Variants in SPAG16 observed in about 807,000 individuals in gnomAD.
SPAG16 encodes the protein sperm-associated antigen 16 protein.
In SPAG16, 86 loss-of-function variants were observed where a neutral mutation model predicts 80.4. The observed-to-expected ratio is 1.07, with a 90% confidence interval of 0.90 to 1.28. SPAG16 has a LOEUF of 1.28. Ranked by LOEUF, SPAG16 falls within the 50% of genes most tolerant of loss-of-function variation. The pLI is 0.00. For missense variants in SPAG16, 870 were observed against 765.3 expected (o/e 1.14, Z -1.61); for synonymous variants, 294 against 265.9 (o/e 1.11, Z -1.03).
At chr2:213,361,668 G>GA (rs891816556) in intron 7 of SPAG16, among the ~76,000 whole-genome samples, 55 of 138,402 alleles carry the variant, frequency 4.0e-4, no homozygotes, top group East Asian at 2.2e-3. Flanking sequence ...GAACAGAAAA[G>GA]AAAAAAAAAC....
chr2:213,572,946 C>G (rs181891962), intron 10 of SPAG16, among the ~76,000 whole-genome samples: 1 of 152,186 alleles, frequency 6.6e-6, no homozygotes, highest in Non-Finnish European at 1.5e-5. Flanking sequence ...CATGGTTCGC[C>G]GCTTTTTAAG....
intron 13 of SPAG16, among the ~76,000 whole-genome samples, chr2:214,038,377 T>G (rs145498268): frequency 3.1e-4 from 47 of 152,314 alleles, no homozygotes; most frequent in African/African-American, 1.1e-3. Flanking sequence ...AGTTCTGTTA[T>G]TTCTACTTTG....
chr2:213,755,760 C>T (rs2068295145), intron 10 of SPAG16, among the ~76,000 whole-genome samples: 1 of 152,006 alleles, frequency 6.6e-6, no homozygotes. Context: ...AGGCAGTGGA[C>T]TTTAGTAGAT....
intron 14 of SPAG16, among the ~76,000 whole-genome samples, chr2:214,133,835 A>AAGCTCTGG (rs1214657174): frequency 2.6e-5 from 4 of 152,160 alleles, no homozygotes; most frequent in Admixed American, 2.6e-4. Flanking sequence ...ATGGGATAAA[A>AAGCTCTGG]AGCTCTGGTG....
chr2:213,673,377 G>A (rs2063899225), intron 10 of SPAG16, among the ~76,000 whole-genome samples: 1 of 152,166 alleles, frequency 6.6e-6, no homozygotes, highest in African/African-American at 2.4e-5. Flanking sequence ...TTACAGGGCT[G>A]ATGTACAGTA....
intron 10 of SPAG16, among the ~76,000 whole-genome samples, chr2:213,529,197 A>G (rs1430171022): frequency 1.3e-5 from 2 of 152,212 alleles, no homozygotes; most frequent in Admixed American, 6.6e-5. Context: ...ACTAAACTGT[A>G]GGATGTTTAA....
chr2:213,704,353 A>G (rs1559392515), intron 10 of SPAG16, among the ~76,000 whole-genome samples: 1 of 152,182 alleles, frequency 6.6e-6, no homozygotes, highest in Non-Finnish European at 1.5e-5. Flanking sequence ...ACAGTATTTC[A>G]TTTTATTCAA....
chr2:214,035,109 CA>C (rs745905355), intron 13 of SPAG16, among the ~76,000 whole-genome samples: 4 of 152,138 alleles, frequency 2.6e-5, no homozygotes, highest in Non-Finnish European at 5.9e-5. Flanking sequence ...CAGCTCTCTG[CA>C]GAGAGGAGAC....
chr2:214,347,256 T>A (rs926325561), intron 15 of SPAG16, among the ~76,000 whole-genome samples: 6 of 152,230 alleles, frequency 3.9e-5, no homozygotes, highest in South Asian at 4.2e-4. Flanking sequence ...AGGAGACATC[T>A]GAGCAGAGTG....
At chr2:213,911,281 A>G (rs1340289664) in intron 11 of SPAG16, among the ~76,000 whole-genome samples, 3 of 152,060 alleles carry the variant, frequency 2.0e-5, no homozygotes, top group Admixed American at 6.6e-5. Context: ...AGTAGCTATG[A>G]CTACAGGCAC....
intron 10 of SPAG16, among the ~76,000 whole-genome samples, chr2:213,805,091 G>A: frequency 6.6e-6 from 1 of 152,178 alleles, no homozygotes; most frequent in East Asian, 1.9e-4. Context: ...ATTGTCAAAT[G>A]TATTTATGGC....
intron 10 of SPAG16, among the ~76,000 whole-genome samples, chr2:213,611,617 T>G (rs945741374): frequency 1.3e-5 from 2 of 152,172 alleles, no homozygotes; most frequent in Non-Finnish European, 2.9e-5. Flanking sequence ...AAATGCTCTA[T>G]TTTTAGGAGA....
At chr2:213,456,858 A>T (rs1460209869) in intron 9 of SPAG16, among the ~76,000 whole-genome samples, 1 of 152,094 alleles carries the variant, frequency 6.6e-6, no homozygotes, top group Non-Finnish European at 1.5e-5. Context: ...CTATGGATTA[A>T]TATTTTTTCT....
At chr2:213,508,815 T>C (rs1490953000) in intron 10 of SPAG16, among the ~76,000 whole-genome samples, 3 of 151,970 alleles carry the variant, frequency 2.0e-5, no homozygotes, top group Non-Finnish European at 4.4e-5. Flanking sequence ...ATACCTAATG[T>C]TAAATGACGA....
intron 15 of SPAG16, among the ~76,000 whole-genome samples, chr2:214,156,350 G>A (rs1182732237): frequency 6.6e-6 from 1 of 152,168 alleles, no homozygotes; most frequent in Non-Finnish European, 1.5e-5. Context: ...AAATGAGATT[G>A]TTATTCTTGC....
chr2:213,923,496 G>A (rs185702213), intron 11 of SPAG16, among the ~76,000 whole-genome samples: 225 of 152,298 alleles, frequency 1.5e-3, no homozygotes, highest in African/African-American at 5.3e-3. Context: ...CTGTCCAGGT[G>A]TTTCCTGGGA....
intron 10 of SPAG16, among the ~76,000 whole-genome samples, chr2:213,751,367 A>G (rs1191679798): frequency 6.6e-6 from 1 of 152,086 alleles, no homozygotes; most frequent in Non-Finnish European, 1.5e-5. Flanking sequence ...TCACGAGAAA[A>G]CCTAGTGTTC....
chr2:213,414,030 G>A (rs1193919914), intron 9 of SPAG16, among the ~76,000 whole-genome samples: 2 of 152,120 alleles, frequency 1.3e-5, no homozygotes, highest in Non-Finnish European at 2.9e-5. Flanking sequence ...TAAAATAATA[G>A]CTAATTGTGC....
chr2:213,824,398 C>G (rs2073140493), intron 10 of SPAG16, among the ~76,000 whole-genome samples: 1 of 152,054 alleles, frequency 6.6e-6, no homozygotes, highest in African/African-American at 2.4e-5. Flanking sequence ...GTCTTTAACC[C>G]ATTTATATTG....
Sources: gnomAD v4.1 joint callset for allele counts (sites outside exome capture counted in the v4.1 genomes callset) on GRCh38, gnomAD v4.1.1 for gene constraint, MANE v1.5 for transcripts, NCBI Gene and HGNC (gene_info 2026-07-23, HGNC 2026-07-21) for gene names.